SLC9C2: variants seen among roughly 807,000 people sequenced by gnomAD.
SLC9C2 encodes solute carrier family 9 member C2 (putative).
In SLC9C2, 75 loss-of-function variants were observed where a neutral mutation model predicts 140.2. That is an observed-to-expected ratio of 0.53 (90% CI 0.44 to 0.65). The LOEUF (loss-of-function observed/expected upper bound fraction) is 0.65, where lower values mean the gene tolerates loss of function less well. SLC9C2 is among the 30% of genes least tolerant of loss of function. The pLI, the probability that SLC9C2 is intolerant of heterozygous loss-of-function variation, is 0.00. For missense variants in SLC9C2, 1,074 were observed against 1,331.8 expected (o/e 0.81, Z 3.01); for synonymous variants, 375 against 420.9 (o/e 0.89, Z 1.34).
intron 13 of SLC9C2, among the ~76,000 whole-genome samples, chr1:173,541,981 C>T (rs10912638): frequency 0.13 from 19,068 of 152,010 alleles, 3,969 homozygotes; most frequent in African/African-American, 0.43. Context: ...AATTCAAAAG[C>T]TAGTAGAAGG....
In SLC9C2 at chr1:173,509,604, A is replaced by G. The variant is rs1366287702; in HGVS notation, c.3003T>C (p.Thr1001=). 1 of 1,592,394 alleles carries G rather than the reference A, an allele frequency of 6.3e-7. No individual in the cohort carries two copies. The highest frequency in any genetic ancestry group is 8.5e-7 in the Non-Finnish European group (1 of 1,172,650). ...YKIWLKLALS[T]AYQYFESSLI... ...GACTTGATTCAAAATACTGATAGGC[A>G]GTACTGAGAGCAAGCTTTAGCCATA... is the stretch of plus-strand genomic sequence containing the variant. Residue 1001 remains threonine, a synonymous_variant, in exon 24 of 28, where the codon ACT becomes ACC. Transcript: ENST00000367714.
At chr1:173,590,363 A>G (rs939669776) in intron 4 of SLC9C2, among the ~76,000 whole-genome samples, 13 of 152,176 alleles carry the variant, frequency 8.5e-5, no homozygotes, top group Non-Finnish European at 1.9e-4. Context: ...AGAAGTCTTA[A>G]TATGTATAAA....
chr1:173,555,992 C>T (rs750603536), intron 10 of SLC9C2, among the ~76,000 whole-genome samples: 3 of 152,122 alleles, frequency 2.0e-5, no homozygotes, highest in South Asian at 2.1e-4. Flanking sequence ...CTTGGGACTT[C>T]GGGGCAGCAG....
At chr1:173,576,637 C>T in intron 8 of SLC9C2, 24 bp downstream of exon 8, 3 of 1,496,752 alleles carry the variant, frequency 2.0e-6, no homozygotes, top group Middle Eastern at 1.7e-4. Context: ...TGAGATCCAT[C>T]GAAGGGCACG....
chr1:173,575,753 T>A (rs1205198158), intron 8 of SLC9C2, among the ~76,000 whole-genome samples: 1 of 152,066 alleles, frequency 6.6e-6, no homozygotes, highest in African/African-American at 2.4e-5. Context: ...ATTTTTTCTG[T>A]ATTTTTAGTA....
chr1:173,522,574 T>C (rs1305132800), intron 21 of SLC9C2, among the ~76,000 whole-genome samples: 1 of 152,166 alleles, frequency 6.6e-6, no homozygotes, highest in African/African-American at 2.4e-5. Flanking sequence ...AAAATTAGTT[T>C]TAGATAGAGA....
At chr1:173,522,814 C>T (rs939820677) in intron 21 of SLC9C2, among the ~76,000 whole-genome samples, 2 of 152,160 alleles carry the variant, frequency 1.3e-5, no homozygotes, top group African/African-American at 4.8e-5. Context: ...ACACTCCAGG[C>T]ACACTTGGCC....
chr1:173,527,306 T>G (rs1485351891), intron 18 of SLC9C2, among the ~76,000 whole-genome samples: 4 of 152,194 alleles, frequency 2.6e-5, no homozygotes, highest in Non-Finnish European at 5.9e-5. Flanking sequence ...GTAGCTTGCA[T>G]AACTACCTTG....
chr1:173,509,528 T>C, intron 24 of SLC9C2, 40 bp downstream of exon 24: 1 of 1,456,444 alleles, frequency 6.9e-7, no homozygotes, highest in Non-Finnish European at 9.1e-7. Context: ...ATACAATGCA[T>C]AAAAATTCAA....
At chr1:173,527,380 GCCT>G (rs750337706) in intron 18 of SLC9C2, among the ~76,000 whole-genome samples, 1 of 152,098 alleles carries the variant, frequency 6.6e-6, no homozygotes, top group Non-Finnish European at 1.5e-5. Context: ...TTCTCATAGC[GCCT>G]CATTTGGCAG....
chr1:173,547,579 A>G (rs1357746267), intron 13 of SLC9C2, 110 bp downstream of exon 13: 4 of 706,634 alleles, frequency 5.7e-6, no homozygotes, highest in Non-Finnish European at 2.2e-6. Flanking sequence ...AATTTTAACA[A>G]TCAATAGACT....
chr1:173,558,020 C>T (rs1410005583), intron 9 of SLC9C2, among the ~76,000 whole-genome samples: 1 of 152,142 alleles, frequency 6.6e-6, no homozygotes, highest in Non-Finnish European at 1.5e-5. Context: ...TGCCTTCTTG[C>T]CCTCCAGATT....
intron 9 of SLC9C2, among the ~76,000 whole-genome samples, chr1:173,563,929 C>A (rs1341156917): frequency 1.3e-5 from 2 of 152,140 alleles, no homozygotes; most frequent in Admixed American, 6.5e-5. Flanking sequence ...ATTTTTACAT[C>A]CCACAAATAA....
intron 9 of SLC9C2, among the ~76,000 whole-genome samples, chr1:173,570,479 T>C (rs1664771874): frequency 6.6e-6 from 1 of 152,048 alleles, no homozygotes; most frequent in Non-Finnish European, 1.5e-5. Context: ...AAGAAGTCAC[T>C]TTCATTGTTC....
intron 18 of SLC9C2, among the ~76,000 whole-genome samples, chr1:173,527,312 C>T (rs980933232): frequency 1.3e-5 from 2 of 152,142 alleles, no homozygotes; most frequent in Non-Finnish European, 2.9e-5. Flanking sequence ...TGCATAACTA[C>T]CTTGCCTAAT....
intron 5 of SLC9C2, 90 bp from the exon 6 acceptor site, chr1:173,583,712 A>T (rs1665689022): frequency 1.4e-6 from 1 of 709,582 alleles, no homozygotes; most frequent in Admixed American, 2.8e-5. Context: ...AAAGAACAGA[A>T]AAAGAAAAAA....
intron 1 of SLC9C2, 110 bp from the exon 2 acceptor site, chr1:173,601,965 A>G: frequency 1.5e-6 from 1 of 663,538 alleles, no homozygotes; most frequent in Non-Finnish European, 2.6e-6. Flanking sequence ...TTCTTGTCAC[A>G]GGGCACACAT....
intron 18 of SLC9C2, among the ~76,000 whole-genome samples, chr1:173,527,591 A>G (rs1204709936): frequency 6.6e-6 from 1 of 152,172 alleles, no homozygotes; most frequent in Non-Finnish European, 1.5e-5. Context: ...GATGCCCACT[A>G]TGTCCCAGGC....
In SLC9C2 at chr1:173,529,959, T is replaced by G. The variant is rs772695322; in HGVS notation, c.2259A>C (p.Gln753His). ...YSITKGYIKS[Q>H]EDAKLLIKQI... is the part of the protein sequence containing the mutation. ...GTTTTATTAGAAGTTTGGCATCTTC[T>G]TGACTTTTGATATAGCCTTTTGTAA... Residue 753 changes from glutamine to histidine, a missense_variant, in exon 18 of 28, where the codon CAA becomes CAC. Physicochemically the swap from Gln to His is conservative, Grantham distance 24 (BLOSUM62 0). Transcript: ENST00000367714. 1.9e-6 allele frequency: 3 copies of G among 1,613,116 alleles called. No homozygotes were observed. The highest frequency in any genetic ancestry group is 2.5e-6 in the Non-Finnish European group (3 of 1,179,794).
Sources: allele counts gnomAD v4.1 joint callset (sites outside exome capture counted in the v4.1 genomes callset), GRCh38; gene constraint gnomAD v4.1.1; transcripts MANE v1.5; gene names NCBI Gene and HGNC (gene_info 2026-07-23, HGNC 2026-07-21).